The following ROBO2 variants were observed in gnomAD, a reference collection of about 807,000 sequenced individuals.
The protein encoded by ROBO2 is roundabout guidance receptor 2, also known as roundabout homolog 2.
Under a neutral mutation model 160.8 loss-of-function variants are expected in ROBO2, and 53 were observed. The observed-to-expected ratio is 0.33, with a 90% CI of 0.26 to 0.41. ROBO2 has a LOEUF of 0.41. Ranked by LOEUF, ROBO2 falls within the 10% of genes least tolerant of loss-of-function variation. ROBO2 has a pLI of 1.00. For missense variants in ROBO2, 1,577 were observed against 1,722.4 expected (o/e 0.92, Z 1.49); for synonymous variants, 664 against 611.7 (o/e 1.09, Z -1.26).
intron 2 of ROBO2, among the ~76,000 whole-genome samples, chr3:76,719,883 C>CAA (rs58861850): frequency 1.5e-5 from 2 of 130,208 alleles, no homozygotes; most frequent in Non-Finnish European, 1.6e-5. Context: ...GACTGTGTCT[C>CAA]AAAAAAAAAA....
intron 2 of ROBO2, among the ~76,000 whole-genome samples, chr3:76,126,544 G>C (rs1450570081): frequency 1.3e-5 from 2 of 152,086 alleles, no homozygotes; most frequent in Non-Finnish European, 2.9e-5. Flanking sequence ...TAGTGCAAGA[G>C]CTTTGCTTCA....
chr3:75,997,990 G>A (rs1189506804), intron 2 of ROBO2, among the ~76,000 whole-genome samples: 1 of 152,124 alleles, frequency 6.6e-6, no homozygotes. Context: ...CATCTAAGAT[G>A]AAATGATAAT....
intron 2 of ROBO2, among the ~76,000 whole-genome samples, chr3:76,621,277 T>G (rs1314973512): frequency 1.3e-5 from 2 of 152,192 alleles, no homozygotes; most frequent in Non-Finnish European, 2.9e-5. Flanking sequence ...AAATAAGTAT[T>G]GCTGTGTGTA....
At chr3:76,478,956 T>G (rs2079075961) in intron 2 of ROBO2, among the ~76,000 whole-genome samples, 1 of 152,042 alleles carries the variant, frequency 6.6e-6, no homozygotes, top group Non-Finnish European at 1.5e-5. Flanking sequence ...AACCATCACA[T>G]CCAGCCTAAC....
At chr3:77,416,184 A>C (rs1457124914) in intron 2 of ROBO2, among the ~76,000 whole-genome samples, 1 of 152,170 alleles carries the variant, frequency 6.6e-6, no homozygotes, top group Non-Finnish European at 1.5e-5. Context: ...GAGGGCCCGA[A>C]AGTGGGTATC....
At chr3:76,362,227 G>A (rs2075562406) in intron 2 of ROBO2, among the ~76,000 whole-genome samples, 2 of 152,032 alleles carry the variant, frequency 1.3e-5, no homozygotes, top group Middle Eastern at 3.4e-3. Flanking sequence ...AGCTGGATGG[G>A]TTGAGGCTCC....
At chr3:77,220,696 A>G (rs1038865058) in intron 2 of ROBO2, among the ~76,000 whole-genome samples, 2 of 152,158 alleles carry the variant, frequency 1.3e-5, no homozygotes, top group African/African-American at 4.8e-5. Context: ...CATGTAAGTT[A>G]TAAATAAACT....
intron 2 of ROBO2, among the ~76,000 whole-genome samples, chr3:76,560,425 A>T (rs1440005711): frequency 6.6e-6 from 1 of 152,020 alleles, no homozygotes. Flanking sequence ...TATGTTTCTA[A>T]ATTCCACAAA....
chr3:77,417,900 T>G (rs2077390135), intron 2 of ROBO2, among the ~76,000 whole-genome samples: 1 of 152,060 alleles, frequency 6.6e-6, no homozygotes, highest in African/African-American at 2.4e-5. Flanking sequence ...TCCTTTAAGG[T>G]ATTTAAAATT....
intron 2 of ROBO2, among the ~76,000 whole-genome samples, chr3:77,201,034 A>G (rs2082861204): frequency 6.6e-6 from 1 of 152,186 alleles, no homozygotes; most frequent in Non-Finnish European, 1.5e-5. Flanking sequence ...TCATATATGA[A>G]GCTCCTACTA....
At chr3:76,118,619 T>C (rs998138020) in intron 2 of ROBO2, among the ~76,000 whole-genome samples, 3 of 152,154 alleles carry the variant, frequency 2.0e-5, no homozygotes, top group Non-Finnish European at 4.4e-5. Flanking sequence ...CAGACAGATA[T>C]GTGACACACA....
chr3:76,043,541 C>T (rs1406742893), intron 2 of ROBO2, among the ~76,000 whole-genome samples: 1 of 146,076 alleles, frequency 6.8e-6, no homozygotes, highest in Non-Finnish European at 1.5e-5. Flanking sequence ...ACATTGACTC[C>T]AGCTCACTTG....
intron 2 of ROBO2, among the ~76,000 whole-genome samples, chr3:77,286,211 A>C (rs1417177211): frequency 1.3e-5 from 2 of 151,496 alleles, no homozygotes; most frequent in Non-Finnish European, 2.9e-5. Context: ...TGAGTTTAAA[A>C]TACCCCCAAA....
chr3:76,692,979 T>C, intron 2 of ROBO2, among the ~76,000 whole-genome samples: 1 of 150,522 alleles, frequency 6.6e-6, no homozygotes, highest in East Asian at 2.0e-4. Context: ...TGTATGTATA[T>C]ACACATATGT....
chr3:76,783,125 T>A (rs112250176), intron 2 of ROBO2, among the ~76,000 whole-genome samples: 1,549 of 151,034 alleles, frequency 0.01, 22 homozygotes, highest in African/African-American at 0.035. Flanking sequence ...TGATAACAAC[T>A]TAATTTTTGT....
At chr3:76,073,742 CAA>C (rs1282070548) in intron 2 of ROBO2, among the ~76,000 whole-genome samples, 3 of 152,048 alleles carry the variant, frequency 2.0e-5, no homozygotes, top group African/African-American at 7.3e-5. Flanking sequence ...GAATTTATGT[CAA>C]GAGTCCTGGT....
intron 2 of ROBO2, among the ~76,000 whole-genome samples, chr3:76,539,396 A>G (rs796845897): frequency 1.6e-4 from 25 of 152,278 alleles, no homozygotes; most frequent in African/African-American, 5.5e-4. Flanking sequence ...CACGCTGTCA[A>G]TAAAGATTCT....
At chr3:76,162,460 C>T (rs1387185286) in intron 2 of ROBO2, among the ~76,000 whole-genome samples, 2 of 152,072 alleles carry the variant, frequency 1.3e-5, no homozygotes, top group Admixed American at 1.3e-4. Context: ...ATGTACTCCA[C>T]CATGCCCAGC....
At chr3:75,918,181 T>G (rs1946888405) in intron 1 of ROBO2, among the ~76,000 whole-genome samples, 1 of 152,206 alleles carries the variant, frequency 6.6e-6, no homozygotes, top group Non-Finnish European at 1.5e-5. Flanking sequence ...TACATTTATG[T>G]TTTTAATCCA....
Sources: allele counts gnomAD v4.1 joint callset (sites outside exome capture counted in the v4.1 genomes callset), GRCh38; gene constraint gnomAD v4.1.1; transcripts MANE v1.5; gene names NCBI Gene and HGNC (gene_info 2026-07-23, HGNC 2026-07-21).